Variants in MAGI2 observed in about 807,000 individuals in gnomAD.
MAGI2 encodes membrane-associated guanylate kinase, WW and PDZ domain-containing protein 2.
MAGI2 carries 35 observed loss-of-function variants against 133.3 expected under a neutral mutation model. That is an observed-to-expected ratio of 0.26 (90% CI 0.20 to 0.35). The LOEUF (loss-of-function observed/expected upper bound fraction) is 0.35, where lower values mean the gene tolerates loss of function less well. Among genes scored for constraint, MAGI2 ranks in the 10% least tolerant of loss-of-function variants. The pLI is 1.00. For missense variants in MAGI2, 1,636 were observed against 1,863.4 expected, an observed-to-expected ratio of 0.88 and a Z score of 2.25; for synonymous variants, 729 against 710.6, an observed-to-expected ratio of 1.03 and a Z score of -0.41.
chr7:78,573,059 A>ATGTATG (rs1240635830), intron 3 of MAGI2, among the ~76,000 whole-genome samples: 1 of 104,578 alleles, frequency 9.6e-6, no homozygotes, highest in Non-Finnish European at 1.8e-5. Context: ...ATATATATAT[A>ATGTATG]TATATATATA....
intron 6 of MAGI2, among the ~76,000 whole-genome samples, chr7:78,413,777 C>T (rs1476004852): frequency 6.6e-6 from 1 of 151,954 alleles, no homozygotes; most frequent in Non-Finnish European, 1.5e-5. Context: ...TCACATGCTA[C>T]ACACGGGCCA....
intron 2 of MAGI2, among the ~76,000 whole-genome samples, chr7:78,751,643 G>A (rs776943412): frequency 5.0e-4 from 76 of 152,280 alleles, no homozygotes; most frequent in Admixed American, 1.4e-3. Context: ...CAGCAACAAA[G>A]GGAATTTCTG....
intron 7 of MAGI2, chr7:78,352,081 G>T (rs1433537376): frequency 6.6e-6 from 1 of 152,124 alleles, no homozygotes; most frequent in East Asian, 1.9e-4. Context: ...CTTAAAATGG[G>T]TAAACTACTT....
chr7:79,389,851 C>T (rs1844469339), intron 1 of MAGI2, among the ~76,000 whole-genome samples: 1 of 151,962 alleles, frequency 6.6e-6, no homozygotes, highest in Non-Finnish European at 1.5e-5. Context: ...AGAGCTATCC[C>T]CATGGTTCCA....
chr7:79,057,669 T>C (rs374096706), intron 1 of MAGI2, among the ~76,000 whole-genome samples: 1 of 152,004 alleles, frequency 6.6e-6, no homozygotes, highest in East Asian at 1.9e-4. Context: ...CAATGGCAGG[T>C]GCAGCATAAG....
At chr7:78,500,025 G>A (rs755830302) in intron 5 of MAGI2, among the ~76,000 whole-genome samples, 2 of 152,160 alleles carry the variant, frequency 1.3e-5, no homozygotes, top group Non-Finnish European at 2.9e-5. Context: ...TAATGTAAGA[G>A]ATTCTTATTC....
intron 1 of MAGI2, among the ~76,000 whole-genome samples, chr7:79,317,248 G>T (rs752959442): frequency 1.3e-5 from 2 of 151,788 alleles, no homozygotes; most frequent in East Asian, 3.9e-4. Flanking sequence ...GGTCTTGAAC[G>T]CCTGACCTCA....
At chr7:78,942,072 T>C (rs1196499080) in intron 2 of MAGI2, among the ~76,000 whole-genome samples, 1 of 152,118 alleles carries the variant, frequency 6.6e-6, no homozygotes, top group African/African-American at 2.4e-5. Context: ...CATATGTTGG[T>C]GGAAAGAAAA....
At chr7:79,186,187 GGAAAA>G (rs1827074901) in intron 1 of MAGI2, among the ~76,000 whole-genome samples, 1 of 98,448 alleles carries the variant, frequency 1.0e-5, no homozygotes, top group African/African-American at 4.4e-5. Flanking sequence ...TATTTGCCTG[GGAAAA>G]TATATATATA....
chr7:78,777,354 C>T (rs112733119), intron 2 of MAGI2, among the ~76,000 whole-genome samples: 39 of 152,294 alleles, frequency 2.6e-4, no homozygotes, highest in African/African-American at 8.7e-4. Context: ...AAACAGTCCT[C>T]ATATCAGTTG....
At chr7:78,371,519 G>A (rs902340080) in intron 6 of MAGI2, among the ~76,000 whole-genome samples, 8 of 151,802 alleles carry the variant, frequency 5.3e-5, no homozygotes, top group Non-Finnish European at 1.2e-4. Context: ...AGCATTTCAT[G>A]GTCAAAGTTT....
intron 2 of MAGI2, among the ~76,000 whole-genome samples, chr7:78,910,395 G>GTAA (rs545799584): frequency 4.6e-5 from 7 of 151,100 alleles, no homozygotes; most frequent in African/African-American, 7.3e-5. Context: ...ACCTTAGGTA[G>GTAA]TAATATAAAT....
chr7:78,998,460 C>T (rs757532914), intron 2 of MAGI2, among the ~76,000 whole-genome samples: 1 of 152,140 alleles, frequency 6.6e-6, no homozygotes, highest in South Asian at 2.1e-4. Flanking sequence ...TGCCAAGGCC[C>T]TATAATGAGT....
At position 79,147,210 on chromosome 7, in the gene MAGI2, GA is replaced by G. The variant is rs1463247520; in HGVS notation, c.302-140005del. On this transcript the variant is annotated intron_variant, in intron 1 of 21. Coordinates refer to ENST00000354212, the MANE Select transcript of MAGI2 (RefSeq NM_012301.4). ...CATTCCAGACAATGTGCAGCCCATA[GA>G]AAAAATATTCAATAAATGTTACTTT... is the stretch of plus-strand genomic sequence containing the variant. 2.0e-5 allele frequency among the ~76,000 whole-genome samples: 3 copies of G among 152,246 alleles called. No individual in the cohort carries two copies. The East Asian group carries it at 5.8e-4, about 29-fold the overall frequency.
intron 3 of MAGI2, among the ~76,000 whole-genome samples, chr7:78,596,742 TTTC>T (rs1383290175): frequency 6.6e-6 from 1 of 152,184 alleles, no homozygotes; most frequent in Non-Finnish European, 1.5e-5. Flanking sequence ...ACTAGTATAT[TTTC>T]TTCTTACTTA....
intron 1 of MAGI2, among the ~76,000 whole-genome samples, chr7:79,308,867 T>C (rs1838030303): frequency 6.6e-6 from 1 of 152,126 alleles, no homozygotes; most frequent in East Asian, 1.9e-4. Context: ...GAAACAGCAA[T>C]GAGAATAAAA....
rs536169931 is a variant in MAGI2, at chr7:78,326,378, C to T, written c.1408+17400G>A. On this transcript the variant is annotated intron_variant, in intron 9 of 21. Coordinates refer to ENST00000354212, the MANE Select transcript of MAGI2 (RefSeq NM_012301.4). ...TGAGAGACTCATTCCTCTGTCCTTGCTCTGCAGTCTGTACACATCTCTTTT... is the reference window on the plus strand; with the variant it reads ...TGAGAGACTCATTCCTCTGTCCTTGTTCTGCAGTCTGTACACATCTCTTTT... Among the ~76,000 whole-genome samples, 24 of 152,346 alleles carry T rather than the reference C, an allele frequency of 1.6e-4. No individual in the cohort carries two copies. In the South Asian group the frequency reaches 4.3e-3, roughly 28 times the overall value.
chr7:78,881,607 C>T (rs1795844458), intron 2 of MAGI2, among the ~76,000 whole-genome samples: 1 of 152,074 alleles, frequency 6.6e-6, no homozygotes, highest in Non-Finnish European at 1.5e-5. Flanking sequence ...TTCAACCATA[C>T]TCTCAAACCA....
chr7:78,601,994 A>G (rs1805256920), intron 3 of MAGI2, among the ~76,000 whole-genome samples: 1 of 152,136 alleles, frequency 6.6e-6, no homozygotes, highest in Non-Finnish European at 1.5e-5. Context: ...CATCAGTAGA[A>G]TGAGCCCCAC....
Sources: gnomAD v4.1 joint callset for allele counts (sites outside exome capture counted in the v4.1 genomes callset) on GRCh38, gnomAD v4.1.1 for gene constraint, MANE v1.5 for transcripts, NCBI Gene and HGNC (gene_info 2026-07-23, HGNC 2026-07-21) for gene names.